Variants in SLC6A6 observed in about 807,000 individuals in gnomAD.
SLC6A6 encodes sodium- and chloride-dependent taurine transporter.
In SLC6A6, 16 loss-of-function variants were observed where a neutral mutation model predicts 68.8. The ratio of observed to expected loss-of-function variants is 0.23; its 90% CI spans 0.16 to 0.35. The LOEUF is 0.35. SLC6A6 is among the 10% of genes least tolerant of loss of function. The pLI, the probability that SLC6A6 is intolerant of heterozygous loss-of-function variation, is 1.00. For missense variants in SLC6A6, 474 were observed against 802.8 expected (o/e 0.59, Z 4.95); for synonymous variants, 312 against 315.4 (o/e 0.99, Z 0.12).
At chr3:14,467,209 G>A (rs1327659291) in intron 7 of SLC6A6, among the ~76,000 whole-genome samples, 2 of 152,176 alleles carry the variant, frequency 1.3e-5, no homozygotes, top group African/African-American at 4.8e-5. Flanking sequence ...GGGCCTTCCG[G>A]TTGCTTCCCA....
intron 14 of SLC6A6, among the ~76,000 whole-genome samples, chr3:14,484,015 A>T (rs897942692): frequency 1.3e-5 from 2 of 152,344 alleles, no homozygotes; most frequent in South Asian, 4.1e-4. Flanking sequence ...AAAAATTTGT[A>T]ACATACCTAA....
chr3:14,470,850 T>C (rs1700734988), intron 9 of SLC6A6, among the ~76,000 whole-genome samples: 1 of 152,208 alleles, frequency 6.6e-6, no homozygotes, highest in African/African-American at 2.4e-5. Flanking sequence ...AGTTTTGGGC[T>C]TGGTAACCCC....
Position 14,411,664 on chromosome 3 carries a change from A to G in SLC6A6, c.-53-4748A>G, listed in dbSNP as rs140195091. Reference sequence around the variant, plus strand: ...GTGGCACACAGTTGTTGCTCAACATACAAATCAAGAGAGCCTAATTCCTTC... The same window carrying G: ...GTGGCACACAGTTGTTGCTCAACATGCAAATCAAGAGAGCCTAATTCCTTC... On this transcript the variant is annotated intron_variant, in intron 1 of 14. Transcript: ENST00000622186. Among the ~76,000 whole-genome samples, 98 of 152,332 alleles carry G rather than the reference A, an allele frequency of 6.4e-4. No individual in the cohort carries two copies. In the East Asian group the frequency reaches 0.016, roughly 25 times the overall value.
chr3:14,423,557 C>T (rs909489309), intron 2 of SLC6A6, among the ~76,000 whole-genome samples: 5 of 152,120 alleles, frequency 3.3e-5, no homozygotes, highest in African/African-American at 9.7e-5. Context: ...AGTACAGTGA[C>T]CTGCTCAAGG....
intron 1 of SLC6A6, among the ~76,000 whole-genome samples, chr3:14,403,724 C>T (rs1235504583): frequency 6.6e-6 from 1 of 152,250 alleles, no homozygotes; most frequent in Non-Finnish European, 1.5e-5. Flanking sequence ...GACTATTTCT[C>T]TTCCTTCTGT....
At chr3:14,483,896 A>G (rs1336112449) in intron 14 of SLC6A6, among the ~76,000 whole-genome samples, 8 of 151,994 alleles carry the variant, frequency 5.3e-5, no homozygotes, top group African/African-American at 1.9e-4. Context: ...TGTTGCCCAG[A>G]CTGCCTTTAA....
In SLC6A6 at chr3:14,402,732, A is replaced by T. The variant is rs1699011446; in HGVS notation, c.-169A>T. On this transcript the variant is annotated 5_prime_UTR_variant, in exon 1 of 15. Coordinates refer to ENST00000622186, the MANE Select transcript of SLC6A6 (RefSeq NM_003043.6). The surrounding 1 kb of genome is among the most constrained non-coding windows in gnomAD (Gnocchi z 4.8). Reference sequence around the variant, plus strand: ...GCAAGCCCAGAGGACAAGCTGCGCCAAGAGGGAGTGCGGAGCGTTCACCCA... The same window carrying T: ...GCAAGCCCAGAGGACAAGCTGCGCCTAGAGGGAGTGCGGAGCGTTCACCCA... 1 of 398,016 alleles carries T rather than the reference A, an allele frequency of 2.5e-6. No homozygotes were observed. Among genetic ancestry groups the T allele is most frequent in the South Asian group, 1.3e-4 (1 of 7,854 alleles). 24.7% of individuals were successfully genotyped at this position (398,016 alleles called of 1,614,324 possible). A position where few individuals can be genotyped will look rare whatever the true frequency, so the allele number is the denominator to read the frequency against.
intron 2 of SLC6A6, among the ~76,000 whole-genome samples, chr3:14,422,946 A>G (rs1397932964): frequency 6.6e-6 from 1 of 152,218 alleles, no homozygotes; most frequent in Non-Finnish European, 1.5e-5. Context: ...GGGTTCCCAG[A>G]CAAGGGTCTG....
Position 14,477,993 on chromosome 3 carries a change from T to G in SLC6A6, c.1348-473T>G, listed in dbSNP as rs1700918206. On this transcript the variant is annotated intron_variant, in intron 11 of 14. Coordinates refer to ENST00000622186, the MANE Select transcript of SLC6A6 (RefSeq NM_003043.6). This position sits in a 1 kb window ranked among gnomAD's most constrained non-coding sequence, Gnocchi z 4.2. ...AAGCCAGGGCACGCTCTCTCCTGCA[T>G]GCCCCCCCCCACCACCTCCCCTGTT... Among the ~76,000 whole-genome samples, 1 of 148,994 alleles carries G rather than the reference T, an allele frequency of 6.7e-6. No individual in the cohort carries two copies. The highest frequency in any genetic ancestry group is 2.5e-5 in the African/African-American group (1 of 39,352).
chr3:14,461,110 A>G (rs1202630381), intron 6 of SLC6A6, among the ~76,000 whole-genome samples: 2 of 152,238 alleles, frequency 1.3e-5, no homozygotes, highest in Non-Finnish European at 2.9e-5. Flanking sequence ...AATTTTCACT[A>G]TTCCAGGAAG....
Position 14,467,934 on chromosome 3 carries a change from A to G in SLC6A6, c.949A>G (p.Lys317Glu), listed in dbSNP as rs1218521623. 1 of 1,613,252 alleles carries G rather than the reference A, an allele frequency of 6.2e-7. No homozygotes were observed. Among genetic ancestry groups the G allele is most frequent in the East Asian group, 2.2e-5 (1 of 44,882 alleles). Residue 317 changes from lysine (K) to glutamate (E), a missense_variant, in exon 8 of 15, where the codon AAG becomes GAG. Physicochemically the swap from Lys to Glu is moderately conservative, Grantham distance 56. Transcript: ENST00000622186. ...TATGACCTCGCTGGGGAGCTACAACAAGTACAAGTATAACTCGTACAGGCA... is the reference window on the plus strand; with the variant it reads ...TATGACCTCGCTGGGGAGCTACAACGAGTACAAGTATAACTCGTACAGGCA... ...GAMTSLGSYN[K>E]YKYNSYRDCM...
chr3:14,458,710 T>C (rs1283481693), intron 6 of SLC6A6, among the ~76,000 whole-genome samples: 1 of 152,272 alleles, frequency 6.6e-6, no homozygotes, highest in Non-Finnish European at 1.5e-5. Flanking sequence ...AACTGAGTTA[T>C]AACTAACATT....
At chr3:14,406,617 T>C (rs1257929715) in intron 1 of SLC6A6, among the ~76,000 whole-genome samples, 6 of 152,196 alleles carry the variant, frequency 3.9e-5, no homozygotes, top group Non-Finnish European at 7.3e-5. Context: ...CACACAGCCC[T>C]AGTGTCTCTA....
intron 2 of SLC6A6, among the ~76,000 whole-genome samples, chr3:14,440,309 C>G (rs1158118380): frequency 6.6e-6 from 1 of 152,018 alleles, no homozygotes; most frequent in African/African-American, 2.4e-5. Context: ...GGCCAGGGTG[C>G]CTGGGGCAGC....
chr3:14,412,167 C>T (rs1266227188), intron 1 of SLC6A6, among the ~76,000 whole-genome samples: 3 of 152,166 alleles, frequency 2.0e-5, no homozygotes, highest in Non-Finnish European at 4.4e-5. Context: ...TGCGGGACTC[C>T]TTTAAGGATG....
chr3:14,447,556 A>T, intron 4 of SLC6A6, 26 bp from the exon 5 acceptor site: 1 of 1,610,414 alleles, frequency 6.2e-7, no homozygotes, highest in African/African-American at 1.3e-5. Context: ...TCAGATGTTT[A>T]CTCATCTCAT....
intron 1 of SLC6A6, among the ~76,000 whole-genome samples, chr3:14,408,846 G>T (rs540524267): frequency 6.7e-6 from 1 of 150,032 alleles, no homozygotes; most frequent in South Asian, 2.1e-4. Context: ...TCGCTCTGTC[G>T]CCCAGGCTGG....
chr3:14,417,611 A>C (rs59886234), intron 2 of SLC6A6, among the ~76,000 whole-genome samples: 1 of 152,094 alleles, frequency 6.6e-6, no homozygotes, highest in Non-Finnish European at 1.5e-5. Flanking sequence ...GGGCGCCTGT[A>C]GTTCCAGCTA....
chr3:14,472,396 G>GGGTTGACCACCTCCC lies in SLC6A6; in HGVS notation c.1209+79_1209+80insGGTTGACCACCTCCC. The GGGTTGACCACCTCCC allele has an allele frequency of 1.1e-6, 1 of 884,238 alleles. No homozygotes were observed. Among genetic ancestry groups the GGGTTGACCACCTCCC allele is most frequent in the Non-Finnish European group, 1.9e-6 (1 of 529,630 alleles). The allele number at this position is 884,238 out of a possible 1,614,324, so 54.8% of individuals were successfully genotyped here. A position where few individuals can be genotyped will look rare whatever the true frequency, so the allele number is the denominator to read the frequency against. ...GGGAAAGACTCCTTATTCCACCTGG[G>GGGTTGACCACCTCCC]AGGTGGTCAACCCCCTTCCCCCCTC... On this transcript the variant is annotated intron_variant, in intron 10 of 14. Coordinates refer to ENST00000622186, the MANE Select transcript of SLC6A6 (RefSeq NM_003043.6). This position sits in a 1 kb window ranked among gnomAD's most constrained non-coding sequence, Gnocchi z 4.5.
Sources: allele counts gnomAD v4.1 joint callset (sites outside exome capture counted in the v4.1 genomes callset), GRCh38; gene constraint gnomAD v4.1.1; non-coding constraint Gnocchi (gnomAD v3.1); transcripts MANE v1.5; gene names NCBI Gene and HGNC (gene_info 2026-07-23, HGNC 2026-07-21).